COL28A1: variants seen among roughly 807,000 people sequenced by gnomAD.
COL28A1 encodes collagen alpha-1(XXVIII) chain.
A neutral mutation model predicts 150.2 loss-of-function variants in COL28A1; 161 were observed. The observed-to-expected ratio is 1.07, with a 90% confidence interval of 0.94 to 1.22. COL28A1 has a LOEUF of 1.22. Among genes scored for constraint, COL28A1 ranks in the 50% most tolerant of loss-of-function variants. The pLI, the probability that COL28A1 is intolerant of heterozygous loss-of-function variation, is 0.00. For synonymous variants in COL28A1, 552 were observed against 469.7 expected (o/e 1.18, Z -2.26); for missense variants, 1,617 against 1,388.3 (o/e 1.16, Z -2.62).
chr7:7,352,343 G>A (rs1361677981), downstream of COL28A1, among the ~76,000 whole-genome samples: 2 of 152,152 alleles, frequency 1.3e-5, no homozygotes, highest in Non-Finnish European at 2.9e-5. Flanking sequence ...ATTGAATAAT[G>A]GCCCCAGAGA....
intron 24 of COL28A1, 26 bp downstream of exon 24, chr7:7,432,606 A>T (rs141014702): frequency 1.2e-4 from 197 of 1,613,194 alleles, no homozygotes; most frequent in Middle Eastern, 1.2e-3. Flanking sequence ...AAAAGGAGGG[A>T]GGGAAGAAAA....
In COL28A1 at chr7:7,489,425, A is replaced by T. The variant is rs1433571514; in HGVS notation, c.1128T>A (p.Ala376=). 1 of 1,468,032 alleles carries T rather than the reference A, an allele frequency of 6.8e-7. No individual in the cohort carries two copies. Among genetic ancestry groups the T allele is most frequent in the East Asian group, 2.3e-5 (1 of 44,268 alleles). 90.9% of individuals were successfully genotyped at this position (1,468,032 alleles called of 1,614,324 possible). Residue 376 remains alanine (A), a synonymous_variant, in exon 13 of 35, where the codon GCT becomes GCA. Coordinates refer to ENST00000399429, the MANE Select transcript of COL28A1 (RefSeq NM_001037763.3). ...GCTCACCAACTCCAATGGGTCCTGG[A>T]GCTCCCGGTCTTCCTTCTTGGCCTC... ...GERGQEGRPG[A]PGPIGVGEPG... is the part of the protein sequence containing the mutation.
rs538515202 is a variant in COL28A1, at chr7:7,507,213, C to A, written c.928-52G>T. 1.2e-4 allele frequency: 97 copies of A among 813,714 alleles called. 1 individual carries two copies. The African/African-American group carries it at 1.5e-3, about 12-fold the overall frequency. The allele number at this position is 813,714 out of a possible 1,614,324, so 50.4% of individuals were successfully genotyped here. ...TCTCTAAATATACATCTTCAACGTGCAGTGATTTTAGGTAGGAGGGAAGGA... is the reference window on the plus strand; with the variant it reads ...TCTCTAAATATACATCTTCAACGTGAAGTGATTTTAGGTAGGAGGGAAGGA... On this transcript the variant is annotated intron_variant, in intron 9 of 34. Transcript: ENST00000399429.
chr7:7,406,417 C>T (rs187016951), intron 27 of COL28A1, among the ~76,000 whole-genome samples: 6 of 152,304 alleles, frequency 3.9e-5, no homozygotes, highest in African/African-American at 1.4e-4. Context: ...TTGCCAGATA[C>T]TCTGCTAGGT....
intron 28 of COL28A1, 104 bp from the exon 29 acceptor site, chr7:7,380,966 C>T (rs1320597641): frequency 4.2e-6 from 4 of 963,390 alleles, no homozygotes; most frequent in African/African-American, 3.3e-5. Flanking sequence ...TCTTGAAGAC[C>T]TTCAGTTCTT....
Position 7,371,945 on chromosome 7 carries a change from G to A in COL28A1, c.2908+1053C>T, listed in dbSNP as rs185550744. Among the ~76,000 whole-genome samples the A allele has an allele frequency of 1.8e-4, 28 of 152,038 alleles. No individual in the cohort carries two copies. The East Asian group carries it at 5.1e-3, about 28-fold the overall frequency. The stretch of plus-strand genomic sequence containing the variant: ...CCTCCCAGGTTCCAGCAATTCTTCC[G>A]CCTCAGCTTCCCGGGTAGCTGGGAC... On this transcript the variant is annotated intron_variant, in intron 32 of 34. Transcript: ENST00000399429.
intron 3 of COL28A1, among the ~76,000 whole-genome samples, chr7:7,528,964 T>C (rs950307916): frequency 2.0e-5 from 3 of 152,066 alleles, no homozygotes; most frequent in Non-Finnish European, 4.4e-5. Context: ...AAAGATGTAA[T>C]AGAAAGGGAT....
At chr7:7,374,038 A>T (rs7804729) in intron 31 of COL28A1, among the ~76,000 whole-genome samples, 15,062 of 113,164 alleles carry the variant, frequency 0.13, 1,191 homozygotes, top group East Asian at 0.26. Flanking sequence ...AAAAAAAAAA[A>T]ATATATATAT....
intron 32 of COL28A1, among the ~76,000 whole-genome samples, chr7:7,372,095 T>C (rs1384691209): frequency 6.6e-6 from 1 of 152,060 alleles, no homozygotes; most frequent in East Asian, 1.9e-4. Flanking sequence ...CATTGTACAA[T>C]GAATTTTAAA....
At chr7:7,536,773 T>A (rs1782656868), upstream of COL28A1, among the ~76,000 whole-genome samples, 1 of 152,200 alleles carries the variant, frequency 6.6e-6, no homozygotes, top group South Asian at 2.1e-4. Flanking sequence ...AATTTCCTTA[T>A]TACAGCAATA....
intron 8 of COL28A1, among the ~76,000 whole-genome samples, chr7:7,513,192 A>C (rs1781241305): frequency 6.6e-6 from 1 of 152,122 alleles, no homozygotes. Flanking sequence ...CATAGCCTTT[A>C]CATTATTGCT....
intron 13 of COL28A1, among the ~76,000 whole-genome samples, chr7:7,484,126 G>T (rs896122535): frequency 2.0e-5 from 3 of 152,032 alleles, no homozygotes; most frequent in Admixed American, 6.5e-5. Flanking sequence ...AAAAGTATAT[G>T]TGAAAATATA....
intron 27 of COL28A1, among the ~76,000 whole-genome samples, chr7:7,386,435 T>C (rs1351199157): frequency 6.6e-6 from 1 of 152,226 alleles, no homozygotes; most frequent in Non-Finnish European, 1.5e-5. Context: ...GTCACAGCTT[T>C]TCTTGAATCC....
chr7:7,453,301 T>C, intron 17 of COL28A1, 139 bp downstream of exon 17: 1 of 657,754 alleles, frequency 1.5e-6, no homozygotes, highest in South Asian at 1.8e-5. Context: ...GTCAGGAATA[T>C]CAGTAACATT....
chr7:7,522,933 G>A (rs1002981727), intron 4 of COL28A1, among the ~76,000 whole-genome samples: 5 of 151,678 alleles, frequency 3.3e-5, no homozygotes, highest in Admixed American at 6.6e-5. Flanking sequence ...CCTGTGGGCC[G>A]CGAGTTGGAC....
chr7:7,374,063 T>G (rs1781416898), intron 31 of COL28A1, among the ~76,000 whole-genome samples: 1 of 129,236 alleles, frequency 7.7e-6, no homozygotes, highest in African/African-American at 2.9e-5. Context: ...ATATATATAC[T>G]TGGAAAAACA....
At chr7:7,518,481 G>T (rs1022102684) in intron 6 of COL28A1, among the ~76,000 whole-genome samples, 2 of 151,980 alleles carry the variant, frequency 1.3e-5, no homozygotes, top group African/African-American at 2.4e-5. Flanking sequence ...TTTAACTTTT[G>T]ATTTTTTTCA....
chr7:7,433,188 G>A (rs1234347003), intron 23 of COL28A1, among the ~76,000 whole-genome samples: 1 of 152,264 alleles, frequency 6.6e-6, no homozygotes, highest in East Asian at 1.9e-4. Context: ...ACAGCCCTTA[G>A]TCTCCTACAG....
Position 7,464,802 on chromosome 7 carries a change from A to G in COL28A1, c.1303-8690T>C, listed in dbSNP as rs1396165020. Among the ~76,000 whole-genome samples the G allele has an allele frequency of 3.9e-5, 6 of 152,254 alleles. No individual in the cohort carries two copies. The South Asian group carries it at 1.0e-3, about 26-fold the overall frequency. The stretch of plus-strand genomic sequence containing the variant: ...ACCCAAACTCAGCAGAAAGGAAATA[A>G]GCAAGATCAGAGCAGAACTGAATGA... On this transcript the variant is annotated intron_variant, in intron 15 of 34. Coordinates refer to ENST00000399429, the MANE Select transcript of COL28A1 (RefSeq NM_001037763.3).
Sources: allele counts gnomAD v4.1 joint callset (sites outside exome capture counted in the v4.1 genomes callset), GRCh38; gene constraint gnomAD v4.1.1; transcripts MANE v1.5; gene names NCBI Gene and HGNC (gene_info 2026-07-23, HGNC 2026-07-21).